The following ZNF425 variants were observed in gnomAD, a reference collection of about 807,000 sequenced individuals.
ZNF425 encodes zinc finger protein 425.
A neutral mutation model predicts 17.0 loss-of-function variants in ZNF425; 21 were observed. The ratio of observed to expected loss-of-function variants is 1.23; its 90% CI spans 0.88 to 1.78. The LOEUF is 1.78. ZNF425 is among the 40% of genes most tolerant of loss of function. The pLI, the probability that ZNF425 is intolerant of heterozygous loss-of-function variation, is 0.00. For missense variants in ZNF425, 868 were observed against 967.3 expected, an observed-to-expected ratio of 0.90 and a Z score of 1.36; for synonymous variants, 433 against 384.1, an observed-to-expected ratio of 1.13 and a Z score of -1.49.
rs774531180 is a variant in ZNF425, at chr7:149,118,255, T to A, written c.112A>T (p.Met38Leu). The A allele has an allele frequency of 6.2e-6, 10 of 1,614,092 alleles. No individual in the cohort carries two copies. The highest frequency in any genetic ancestry group is 1.6e-4 in the Middle Eastern group (1 of 6,062). Reference protein sequence around the residue: ...KWQKQMYKQEMKTNYETLDSL... With the variant: ...KWQKQMYKQELKTNYETLDSL... ...TCAAGGGTCTCGTAATTGGTCTTCA[T>A]CTCTTGCTTATACATTTGCTTCTGC... Residue 38 changes from methionine to leucine, a missense_variant, in exon 2 of 4, where the codon ATG becomes TTG. Met to Leu is a conservative substitution (Grantham distance 15). This residue lies in a region of ZNF425 where 179 missense variants were observed against 216.3 expected (regional missense o/e 0.83). Transcript: ENST00000378061.
chr7:149,112,292 T>A lies in ZNF425; in HGVS notation c.149A>T (p.Tyr50Phe), dbSNP rs756725881. ...GATCAAATCTGGCTTGGAAAAAGCA[T>A]ACCCTGCAAATAGAGTCCACACAGA... ...TNYETLDSLG[Y>F]AFSKPDLITW... The change falls in exon 3 of 4, where the codon TAT (tyrosine) becomes TTT (phenylalanine). Residue 50 changes from tyrosine to phenylalanine, a missense_variant. This residue lies in a region of ZNF425 where 179 missense variants were observed against 216.3 expected (regional missense o/e 0.83). Coordinates refer to ENST00000378061, the MANE Select transcript of ZNF425 (RefSeq NM_001001661.3). 6.2e-7 allele frequency: 1 copy of A among 1,613,214 alleles called. No individual in the cohort carries two copies. Among genetic ancestry groups the A allele is most frequent in the Non-Finnish European group, 8.5e-7 (1 of 1,179,658 alleles).
rs202176145 is a variant in ZNF425 at position 149,105,109 on chromosome 7, G to T, written c.762C>A (p.Ser254Arg). Residue 254 changes from serine (S) to arginine (R), a missense_variant, in exon 4 of 4, where the codon AGC (serine) becomes AGA (arginine). By Grantham distance (110) the Ser-to-Arg change is moderately radical (BLOSUM62 -1). Coordinates refer to ENST00000378061, the MANE Select transcript of ZNF425 (RefSeq NM_001001661.3). ...KRFQCSECEK[S>R]YFLKGSLVTH... is the part of the protein sequence containing the mutation. Reference sequence around the variant, plus strand: ...TGACGAGGCTGCCCTTCAGGAAGTAGCTCTTCTCACACTCACTGCACTGGA... The same window carrying T: ...TGACGAGGCTGCCCTTCAGGAAGTATCTCTTCTCACACTCACTGCACTGGA... 4.1e-4 allele frequency: 659 copies of T among 1,614,222 alleles called. 1 individual carries two copies. The highest frequency in any genetic ancestry group is 8.0e-5 in the Non-Finnish European group (94 of 1,180,036).
Position 149,103,497 on chromosome 7 carries a change from C to A in ZNF425, c.*115G>T. On this transcript the variant is annotated 3_prime_UTR_variant, in exon 4 of 4. Transcript: ENST00000378061. ...CCTCCCAAAGTAATGGGATTACAGGCGGGAGCCACTGTGCCCGATCTTACC... is the reference window on the plus strand; with the variant it reads ...CCTCCCAAAGTAATGGGATTACAGGAGGGAGCCACTGTGCCCGATCTTACC... 7.5e-7 allele frequency: 1 copy of A among 1,325,400 alleles called. No individual in the cohort carries two copies. Among genetic ancestry groups the A allele is most frequent in the Non-Finnish European group, 1.0e-6 (1 of 994,120 alleles). The allele number at this position is 1,325,400 out of a possible 1,614,324, so 82.1% of individuals were successfully genotyped here.
In ZNF425 at chr7:149,105,579, G is replaced by A. The variant is rs1421665948; in HGVS notation, c.305-13C>T. The A allele has an allele frequency of 8.0e-6, 12 of 1,503,326 alleles. No individual in the cohort carries two copies. The highest frequency in any genetic ancestry group is 1.4e-5 in the African/African-American group (1 of 71,452). The allele number at this position is 1,503,326 out of a possible 1,614,324, so 93.1% of individuals were successfully genotyped here. A position where few individuals can be genotyped will look rare whatever the true frequency, so the allele number is the denominator to read the frequency against. On this transcript the variant is annotated splice_polypyrimidine_tract_variant and intron_variant, in intron 3 of 3. Transcript: ENST00000378061. ...GTTCCTTCGTCATCTGGAGCAGAAA[G>A]AAGTATCACTCTCATCAGTGATATG...
At chr7:149,115,949 A>G (rs1826260351) in intron 2 of ZNF425, among the ~76,000 whole-genome samples, 3 of 152,214 alleles carry the variant, frequency 2.0e-5, no homozygotes, top group Admixed American at 2.0e-4. Flanking sequence ...CTATACGGAA[A>G]ATCATTGGCA....
At chr7:149,110,869 A>G (rs1826163462) in intron 3 of ZNF425, among the ~76,000 whole-genome samples, 1 of 145,816 alleles carries the variant, frequency 6.9e-6, no homozygotes, top group Non-Finnish European at 1.5e-5. Flanking sequence ...ATCTCGGCTC[A>G]CTGCAAACTC....
At chr7:149,125,840 C>G (rs771936873) in intron 1 of ZNF425, 3 of 422,212 alleles carry the variant, frequency 7.1e-6, no homozygotes, top group African/African-American at 4.2e-5. Flanking sequence ...TCCCCGCTCC[C>G]GAGAGGTCAC....
rs1282047595 is a variant in ZNF425, at chr7:149,111,735, A to C, written c.304+402T>G. On this transcript the variant is annotated intron_variant, in intron 3 of 3. Coordinates refer to ENST00000378061, the MANE Select transcript of ZNF425 (RefSeq NM_001001661.3). ...CGCTCTGTCTCCCAGGCTGGAGTGC[A>C]ATGGCATGACATTGGCTCACCACAA... Among the ~76,000 whole-genome samples, 4 of 150,896 alleles carry C rather than the reference A, an allele frequency of 2.7e-5. No individual in the cohort carries two copies. The East Asian group carries it at 5.9e-4, about 22-fold the overall frequency.
chr7:149,123,934 G>C (rs1239490784), intron 1 of ZNF425, among the ~76,000 whole-genome samples: 1 of 141,262 alleles, frequency 7.1e-6, no homozygotes, highest in East Asian at 2.2e-4. Flanking sequence ...TGCAAGCTCC[G>C]CCTCCCGGGT....
intron 3 of ZNF425, among the ~76,000 whole-genome samples, chr7:149,106,011 A>G (rs1039422562): frequency 7.5e-6 from 1 of 133,468 alleles, no homozygotes; most frequent in Non-Finnish European, 1.5e-5. Context: ...GCTGGAGTGC[A>G]GTGGCACAAT....
chr7:149,110,028 C>T (rs7796705), intron 3 of ZNF425, among the ~76,000 whole-genome samples: 83,107 of 151,318 alleles, frequency 0.55, 26,094 homozygotes, highest in East Asian at 0.9. Flanking sequence ...AGGAGCCTGC[C>T]ACCACACCTG....
chr7:149,120,703 GT>G (rs1354976422), intron 1 of ZNF425, among the ~76,000 whole-genome samples: 10 of 152,240 alleles, frequency 6.6e-5, no homozygotes, highest in Admixed American at 5.9e-4. Flanking sequence ...TACCATCTAG[GT>G]TTTTGGAAGC....
At chr7:149,120,606 C>T (rs908418642) in intron 1 of ZNF425, among the ~76,000 whole-genome samples, 3 of 152,128 alleles carry the variant, frequency 2.0e-5, no homozygotes, top group African/African-American at 4.8e-5. Flanking sequence ...TTTAGATACA[C>T]AAATACTTAC....
At chr7:149,125,236 T>C (rs575937259) in intron 1 of ZNF425, among the ~76,000 whole-genome samples, 1 of 152,292 alleles carries the variant, frequency 6.6e-6, no homozygotes, top group Non-Finnish European at 1.5e-5. Context: ...TAAAATTTCA[T>C]TGGGGGCACA....
At chr7:149,115,836 C>T (rs552356972) in intron 2 of ZNF425, among the ~76,000 whole-genome samples, 37 of 152,258 alleles carry the variant, frequency 2.4e-4, no homozygotes, top group African/African-American at 3.9e-4. Context: ...AAGTGGGTAC[C>T]GCCAGCATTA....
chr7:149,104,608 T>A lies in ZNF425; in HGVS notation c.1263A>T (p.Lys421Asn). Reference sequence around the variant, plus strand: ...TCAGGCTTCTCTTGAGGCGGAAACTTTTGTTACACTCGGGACACGAAAAGG... The same window carrying A: ...TCAGGCTTCTCTTGAGGCGGAAACTATTGTTACACTCGGGACACGAAAAGG... The part of the protein sequence containing the change: ...EKPFSCPECN[K>N]SFRLKRSLKA... Residue 421 changes from lysine (K) to asparagine (N), a missense_variant, in exon 4 of 4, where the codon AAA (lysine) becomes AAT (asparagine). Around this residue, in one of 5 missense-constraint regions of ZNF425, gnomAD observed 437 missense variants for 444.2 expected, o/e 0.98. Transcript: ENST00000378061. This position sits in a 1 kb window ranked among gnomAD's most constrained non-coding sequence, Gnocchi z 4.3. 1 of 1,613,814 alleles carries A rather than the reference T, an allele frequency of 6.2e-7. No individual in the cohort carries two copies. Among genetic ancestry groups the A allele is most frequent in the Non-Finnish European group, 8.5e-7 (1 of 1,179,924 alleles).
chr7:149,111,988 T>C, intron 3 of ZNF425, 149 bp downstream of exon 3: 4 of 727,010 alleles, frequency 5.5e-6, no homozygotes, highest in Non-Finnish European at 8.7e-6. Context: ...AGCCCACATT[T>C]GCTACCCTCT....
intron 1 of ZNF425, among the ~76,000 whole-genome samples, chr7:149,123,841 CTTTT>C (rs11301508): frequency 7.8e-6 from 1 of 128,176 alleles, no homozygotes; most frequent in African/African-American, 2.9e-5. Context: ...CTTGCTTTTT[CTTTT>C]TTTTTTTTTT....
rs1480986080 is a variant in ZNF425, at chr7:149,105,202, G to C, written c.669C>G (p.Tyr223Ter). 6.2e-7 allele frequency: 1 copy of C among 1,614,194 alleles called. No individual in the cohort carries two copies. Among genetic ancestry groups the C allele is most frequent in the Middle Eastern group, 1.6e-4 (1 of 6,062 alleles). ...CGGACTTCCCTCTGGACGAGTTTTT[G>C]TACTTTGGGTATCTGCAGAGCTGGC... ...SKSQLCRYPK[Y>*]KNSSRGKSEL... Residue 223 changes from tyrosine to a stop codon, truncating the protein, a stop_gained, in exon 4 of 4, where the codon TAC becomes TAG. Coordinates refer to ENST00000378061, the MANE Select transcript of ZNF425 (RefSeq NM_001001661.3). LOFTEE classifies it low-confidence loss of function (END_TRUNC).
Sources: allele counts gnomAD v4.1 joint callset (sites outside exome capture counted in the v4.1 genomes callset), GRCh38; gene constraint gnomAD v4.1.1; regional missense constraint gnomAD v4.1.1; non-coding constraint Gnocchi (gnomAD v3.1); transcripts MANE v1.5; gene names NCBI Gene and HGNC (gene_info 2026-07-23, HGNC 2026-07-21).